Variants in SORD observed in about 807,000 individuals in gnomAD.
SORD encodes sorbitol dehydrogenase.
In SORD, 18 loss-of-function variants were observed where a neutral mutation model predicts 35.6. That is an observed-to-expected ratio of 0.51 (90% CI 0.35 to 0.75). The LOEUF is 0.75. SORD is among the 30% of genes least tolerant of loss of function. SORD has a pLI of 0.01. For synonymous variants in SORD, 106 were observed against 152.9 expected, an observed-to-expected ratio of 0.69 and a Z score of 2.26; for missense variants, 250 against 390.2, an observed-to-expected ratio of 0.64 and a Z score of 3.03.
chr15:45,032,824 C>A (rs548590502), intron 1 of SORD, among the ~76,000 whole-genome samples: 27 of 152,086 alleles, frequency 1.8e-4, no homozygotes, highest in African/African-American at 6.0e-4. Context: ...ATTGGGAAAC[C>A]TTTGAATTTT....
At chr15:45,029,805 T>C (rs1168712330) in intron 1 of SORD, among the ~76,000 whole-genome samples, 1 of 152,218 alleles carries the variant, frequency 6.6e-6, no homozygotes. Context: ...AGAAGGGAAC[T>C]GGAGAGGGGA....
At chr15:45,028,144 G>A (rs925802183) in intron 1 of SORD, among the ~76,000 whole-genome samples, 50 of 152,222 alleles carry the variant, frequency 3.3e-4, no homozygotes, top group Admixed American at 3.2e-3. Context: ...TGGCCAACAT[G>A]GCAAAAATCC....
chr15:45,061,169 C>T lies in SORD; in HGVS notation c.368C>T (p.Pro123Leu). ...CCTTCCATCTTCTTCTGTGCCACGC[C>T]CCCCGATGACGGGAACCTCTGCCGG... is the stretch of plus-strand genomic sequence containing the variant. ...LSPSIFFCAT[P>L]PDDGNLCRFY... The change falls in exon 4 of 9, where the codon CCC becomes CTC. Residue 123 changes from proline (P) to leucine (L), a missense_variant. Physicochemically the swap from Pro to Leu is moderately conservative, Grantham distance 98. Transcript: ENST00000267814. 1 of 1,614,162 alleles carries T rather than the reference C, an allele frequency of 6.2e-7. No homozygotes were observed. The highest frequency in any genetic ancestry group is 8.5e-7 in the Non-Finnish European group (1 of 1,180,002).
chr15:45,049,058 G>C (rs1317630793), intron 3 of SORD, among the ~76,000 whole-genome samples: 1 of 152,132 alleles, frequency 6.6e-6, no homozygotes, highest in Non-Finnish European at 1.5e-5. Flanking sequence ...TGCCTGAAAA[G>C]GGGAGGAAAC....
rs755696297 is a variant in SORD, at chr15:45,023,338, G to C, written c.55G>C (p.Asp19His). ...NLSLVVHGPGDLRLENYPIPE... is the reference protein window; with the variant it reads ...NLSLVVHGPGHLRLENYPIPE... ...TTCCCTGGTGGTGCACGGACCGGGG[G>C]ACTTGCGCCTGGTAAGCTGGGAAGG... Residue 19 changes from aspartate (D) to histidine (H), a missense_variant, in exon 1 of 9, where the codon GAC becomes CAC. Physicochemically the swap from Asp to His is moderately conservative, Grantham distance 81. Transcript: ENST00000267814. 1.9e-6 allele frequency: 3 copies of C among 1,582,670 alleles called. No individual in the cohort carries two copies. Among genetic ancestry groups the C allele is most frequent in the Non-Finnish European group, 2.6e-6 (3 of 1,165,714 alleles).
At chr15:45,046,138 G>A (rs1893042741) in intron 3 of SORD, among the ~76,000 whole-genome samples, 1 of 151,914 alleles carries the variant, frequency 6.6e-6, no homozygotes, top group Admixed American at 6.6e-5. Context: ...TTGAAGGCTA[G>A]GTGGAAGAAT....
At chr15:45,045,745 TG>T (rs1893037937) in intron 3 of SORD, among the ~76,000 whole-genome samples, 2 of 152,128 alleles carry the variant, frequency 1.3e-5, no homozygotes, top group Admixed American at 1.3e-4. Context: ...GGCTTACACC[TG>T]TAATCTCAGC....
At chr15:45,037,940 A>C (rs1277125344) in intron 1 of SORD, among the ~76,000 whole-genome samples, 2 of 151,742 alleles carry the variant, frequency 1.3e-5, no homozygotes, top group East Asian at 3.9e-4. Flanking sequence ...CAGGTTCTGC[A>C]CATGTATCCC....
chr15:45,028,351 A>AATC (rs1892714242), intron 1 of SORD, among the ~76,000 whole-genome samples: 6 of 151,924 alleles, frequency 3.9e-5, no homozygotes, highest in Admixed American at 3.3e-4. Flanking sequence ...CAAAAAAATT[A>AATC]TATAAACATT....
At chr15:45,050,721 A>G (rs1299643158) in intron 3 of SORD, 1 of 152,232 alleles carries the variant, frequency 6.6e-6, no homozygotes. Flanking sequence ...CTATATTGCC[A>G]TAAATCAAGA....
rs1174721754 is a variant in SORD, at chr15:45,031,297, G to A, written c.66+7948G>A. Among the ~76,000 whole-genome samples the A allele has an allele frequency of 2.0e-5, 3 of 150,712 alleles. No individual in the cohort carries two copies. The Admixed American group carries it at 2.0e-4, about 10-fold the overall frequency. ...TGTGCCAGCCTGGGCTACAGAATGA[G>A]AACCCATCTCTTAAAACAACAACAA... is the stretch of plus-strand genomic sequence containing the variant. On this transcript the variant is annotated intron_variant, in intron 1 of 8. Transcript: ENST00000267814.
At chr15:45,055,004 T>C (rs1893191810) in intron 3 of SORD, among the ~76,000 whole-genome samples, 1 of 152,262 alleles carries the variant, frequency 6.6e-6, no homozygotes, top group South Asian at 2.1e-4. Flanking sequence ...CATTGATCTC[T>C]ATCTCTGTTT....
chr15:45,037,991 A>C (rs1211107293), intron 1 of SORD, among the ~76,000 whole-genome samples: 1 of 152,020 alleles, frequency 6.6e-6, no homozygotes, highest in Non-Finnish European at 1.5e-5. Context: ...ACGTGGTATA[A>C]CAGAAGGATC....
intron 4 of SORD, among the ~76,000 whole-genome samples, 199 bp downstream of exon 4, chr15:45,061,425 T>G (rs1893305320): frequency 6.6e-6 from 1 of 152,196 alleles, no homozygotes; most frequent in Non-Finnish European, 1.5e-5. Context: ...GTGGTTGGTT[T>G]TAGTCTTTCA....
intron 3 of SORD, chr15:45,047,033 T>TAAAC: frequency 6.6e-6 from 1 of 151,998 alleles, no homozygotes; most frequent in East Asian, 1.9e-4. Context: ...AATAAATAAA[T>TAAAC]AAACAAACAA....
chr15:45,061,793 C>T (rs191054504), intron 4 of SORD, among the ~76,000 whole-genome samples: 33 of 152,116 alleles, frequency 2.2e-4, no homozygotes, highest in South Asian at 6.2e-4. Flanking sequence ...GGCTTGAACA[C>T]GGGAGGTGGA....
At chr15:45,056,912 G>C (rs772729988) in intron 3 of SORD, among the ~76,000 whole-genome samples, 9 of 152,198 alleles carry the variant, frequency 5.9e-5, no homozygotes, top group Admixed American at 2.6e-4. Context: ...CACTTACAAG[G>C]CTGTGGTAGA....
chr15:45,029,636 G>C (rs148893468), intron 1 of SORD, among the ~76,000 whole-genome samples: 545 of 152,234 alleles, frequency 3.6e-3, no homozygotes, highest in African/African-American at 0.013. Flanking sequence ...CATGCCACTG[G>C]TGAGGGGCAA....
chr15:45,052,393 T>A (rs901668290), intron 3 of SORD, among the ~76,000 whole-genome samples: 7 of 152,190 alleles, frequency 4.6e-5, no homozygotes, highest in Non-Finnish European at 7.3e-5. Flanking sequence ...TTTTGCTGTT[T>A]ACAGATGGGG....
Sources: allele counts gnomAD v4.1 joint callset (sites outside exome capture counted in the v4.1 genomes callset), GRCh38; gene constraint gnomAD v4.1.1; transcripts MANE v1.5; gene names NCBI Gene and HGNC (gene_info 2026-07-23, HGNC 2026-07-21).